EXOSC4: variants seen among roughly 807,000 people sequenced by gnomAD.
The protein encoded by EXOSC4 is exosome component 4, also known as exosome complex component RRP41.
EXOSC4 carries 14 observed loss-of-function variants against 20.0 expected under a neutral mutation model. The ratio of observed to expected loss-of-function variants is 0.70; its 90% CI spans 0.46 to 1.09. The LOEUF (loss-of-function observed/expected upper bound fraction) is 1.09. EXOSC4 is among the 50% of genes least tolerant of loss of function. The pLI, the probability that EXOSC4 is intolerant of heterozygous loss-of-function variation, is 0.00. For synonymous variants in EXOSC4, 148 were observed against 146.4 expected (o/e 1.01, Z -0.08); for missense variants, 337 against 334.0 (o/e 1.01, Z -0.07).
chr8:144,064,609 C>G, the EXOSC4 span, among the ~76,000 whole-genome samples: 1 of 152,196 alleles, frequency 6.6e-6, no homozygotes, highest in Non-Finnish European at 1.5e-5. Context: ...GGCACAGGGC[C>G]TTGGCATTGT....
the EXOSC4 span, among the ~76,000 whole-genome samples, chr8:144,067,863 G>A: frequency 0.019 from 2,908 of 152,218 alleles, 54 homozygotes; most frequent in Non-Finnish European, 0.028. Context: ...TAAATTAGCC[G>A]GGCATGGTGG....
In EXOSC4 at chr8:144,080,190, T is replaced by A; in HGVS notation, c.378+41T>A. Reference sequence around the variant, plus strand: ...CCGTCAATCCAGGGAGGGAAGGGTGTGATGGGGTTGGGGAGGGAGTCTGAT... The same window carrying A: ...CCGTCAATCCAGGGAGGGAAGGGTGAGATGGGGTTGGGGAGGGAGTCTGAT... On this transcript the variant is annotated intron_variant, in intron 2 of 2. Transcript: ENST00000316052. The surrounding 1 kb of genome is among the most constrained non-coding windows in gnomAD (Gnocchi z 4.9). 1 of 1,607,800 alleles carries A rather than the reference T, an allele frequency of 6.2e-7. No homozygotes were observed.
upstream of EXOSC4, among the ~76,000 whole-genome samples, chr8:144,074,809 A>G (rs1348262120): frequency 1.3e-5 from 2 of 151,990 alleles, no homozygotes; most frequent in African/African-American, 4.8e-5. Flanking sequence ...CCTGGCCTCA[A>G]GCGATCCTCC....
At chr8:144,077,666 A>AGAGTGTGGCAGGAGG (rs1564301349), upstream of EXOSC4, among the ~76,000 whole-genome samples, 1 of 152,244 alleles carries the variant, frequency 6.6e-6, no homozygotes, top group Non-Finnish European at 1.5e-5. Context: ...CTTGACCCAC[A>AGAGTGTGGCAGGAGG]GAGTGTGGCA....
At chr8:144,079,157 C>T (rs963031721) in intron 1 of EXOSC4, 12 of 378,294 alleles carry the variant, frequency 3.2e-5, no homozygotes, top group Non-Finnish European at 4.7e-5. Context: ...CTCCCCCACT[C>T]GCTCCCTCTC....
upstream of EXOSC4, chr8:144,078,552 C>A: frequency 1.7e-6 from 1 of 583,036 alleles, no homozygotes; most frequent in Non-Finnish European, 2.6e-6. This position sits in a 1 kb window ranked among gnomAD's most constrained non-coding sequence, Gnocchi z 4.7. Flanking sequence ...GACAGCGGAA[C>A]GCCGGAAACC....
chr8:144,078,557 G>T (rs1275677354), upstream of EXOSC4: 1 of 631,392 alleles, frequency 1.6e-6, no homozygotes, highest in African/African-American at 1.9e-5. The surrounding 1 kb of genome is among the most constrained non-coding windows in gnomAD (Gnocchi z 4.7). Flanking sequence ...CGGAACGCCG[G>T]AAACCGCAGA....
upstream of EXOSC4, chr8:144,078,242 TCTC>T (rs1835855602): frequency 3.9e-5 from 6 of 153,402 alleles, no homozygotes; most frequent in South Asian, 1.1e-3. This position sits in a 1 kb window ranked among gnomAD's most constrained non-coding sequence, Gnocchi z 4.7. Context: ...CTCAATGCCT[TCTC>T]CTGTCAGTGT....
In EXOSC4 at chr8:144,080,018, A is replaced by C; in HGVS notation, c.247A>C (p.Thr83Pro). 6.2e-7 allele frequency: 1 copy of C among 1,614,090 alleles called. No homozygotes were observed. The highest frequency in any genetic ancestry group is 1.1e-5 in the South Asian group (1 of 91,080). The change falls in exon 2 of 3, where the codon ACA becomes CCA. Residue 83 changes from threonine to proline, a missense_variant. Coordinates refer to ENST00000316052, the MANE Select transcript of EXOSC4 (RefSeq NM_019037.3). The surrounding 1 kb of genome is among the most constrained non-coding windows in gnomAD (Gnocchi z 4.9). Reference protein sequence around the residue: ...NCQYSSATFSTGERKRRPHGD... With the variant: ...NCQYSSATFSPGERKRRPHGD... ...TCAATATAGTTCAGCGACCTTCAGC[A>C]CAGGTGAGCGCAAGCGACGGCCACA...
At chr8:144,079,759 A>G (rs1554763211) in intron 1 of EXOSC4, 184 bp from the exon 2 acceptor site, 1 of 730,432 alleles carries the variant, frequency 1.4e-6, no homozygotes, top group Non-Finnish European at 2.5e-6. Flanking sequence ...AAGGAAGCCA[A>G]TTAAAAGGTG....
At chr8:144,074,319 C>T (rs762340095), upstream of EXOSC4, among the ~76,000 whole-genome samples, 2 of 152,108 alleles carry the variant, frequency 1.3e-5, no homozygotes, top group Admixed American at 6.6e-5. Context: ...GTCCAGCTCC[C>T]GGGAGGTTGA....
rs781904161 is a variant in EXOSC4, at chr8:144,078,771, G to C, written c.43G>C (p.Asp15His). The part of the protein sequence containing the change: ...ELLSDQGYRV[D>H]GRRAGELRKI... ...CTTGTCGGACCAGGGCTACCGGGTG[G>C]ACGGGCGGCGCGCCGGGGAGCTGCG... The change falls in exon 1 of 3, where the codon GAC becomes CAC. Residue 15 changes from aspartate to histidine, a missense_variant. Asp to His is a moderately conservative substitution (Grantham distance 81). Transcript: ENST00000316052. The surrounding 1 kb of genome is among the most constrained non-coding windows in gnomAD (Gnocchi z 4.7). The C allele has an allele frequency of 3.3e-6, 5 of 1,537,224 alleles. No homozygotes were observed. The highest frequency in any genetic ancestry group is 4.4e-6 in the Non-Finnish European group (5 of 1,144,756).
Position 144,080,641 on chromosome 8 carries a change from C to T in EXOSC4, c.*40C>T, listed in dbSNP as rs782567906. The T allele has an allele frequency of 1.3e-6, 2 of 1,576,120 alleles. No individual in the cohort carries two copies. Among genetic ancestry groups the T allele is most frequent in the Middle Eastern group, 2.2e-4 (1 of 4,494 alleles). ...ATGTCCAGAATAAAACCCTCCTCTG[C>T]CCACACACCCCTCACTGTACGTTAT... On this transcript the variant is annotated 3_prime_UTR_variant, in exon 3 of 3. Coordinates refer to ENST00000316052, the MANE Select transcript of EXOSC4 (RefSeq NM_019037.3). This position sits in a 1 kb window ranked among gnomAD's most constrained non-coding sequence, Gnocchi z 4.9.
the EXOSC4 span, among the ~76,000 whole-genome samples, chr8:144,064,119 C>T: frequency 6.6e-6 from 1 of 152,256 alleles, no homozygotes; most frequent in Non-Finnish European, 1.5e-5. Context: ...TGACCTCCAG[C>T]CCCCTGAGGG....
upstream of EXOSC4, among the ~76,000 whole-genome samples, chr8:144,073,838 G>A (rs112812804): frequency 3.9e-3 from 587 of 151,656 alleles, 3 homozygotes; most frequent in African/African-American, 0.014. Flanking sequence ...GTGACAGAGC[G>A]AGACTCTGTC....
At chr8:144,077,130 A>G (rs1587584748), upstream of EXOSC4, among the ~76,000 whole-genome samples, 1 of 151,028 alleles carries the variant, frequency 6.6e-6, no homozygotes, top group African/African-American at 2.4e-5. Context: ...CCACCTTCCC[A>G]GCTACTTGGG....
upstream of EXOSC4, chr8:144,078,594 C>T (rs566066784): frequency 4.0e-6 from 4 of 1,000,652 alleles, no homozygotes; most frequent in African/African-American, 1.7e-5. The surrounding 1 kb of genome is among the most constrained non-coding windows in gnomAD (Gnocchi z 4.7). Flanking sequence ...CCGCGGAGAG[C>T]TGTAGTTCCC....
At chr8:144,066,436 CTTT>C in the EXOSC4 span, among the ~76,000 whole-genome samples, 2 of 98,076 alleles carry the variant, frequency 2.0e-5, no homozygotes, top group East Asian at 3.0e-4. Flanking sequence ...GAGTTTTTCT[CTTT>C]TTTTTTTTTT....
chr8:144,078,547 C>T (rs1835859584), upstream of EXOSC4: 1 of 555,760 alleles, frequency 1.8e-6, no homozygotes. This position sits in a 1 kb window ranked among gnomAD's most constrained non-coding sequence, Gnocchi z 4.7. Flanking sequence ...GAAGTGACAG[C>T]GGAACGCCGG....
Sources: allele counts gnomAD v4.1 joint callset (sites outside exome capture counted in the v4.1 genomes callset), GRCh38; gene constraint gnomAD v4.1.1; non-coding constraint Gnocchi (gnomAD v3.1); transcripts MANE v1.5; gene names NCBI Gene and HGNC (gene_info 2026-07-23, HGNC 2026-07-21).